The following PEMT variants were observed in gnomAD, a reference collection of about 807,000 sequenced individuals.
The protein encoded by PEMT is phospholipid methyltransferase.
PEMT carries 23 observed loss-of-function variants against 27.4 expected under a neutral mutation model. The ratio of observed to expected loss-of-function variants is 0.84; its 90% CI spans 0.60 to 1.19. The LOEUF (loss-of-function observed/expected upper bound fraction) is 1.19, where lower values mean the gene tolerates loss of function less well. PEMT is among the 50% of genes most tolerant of loss of function. The probability of loss-of-function intolerance (pLI) is 0.00; values close to 1 mark genes in which losing one functional copy is unlikely to be tolerated. For missense variants in PEMT, 307 were observed against 310.1 expected, an observed-to-expected ratio of 0.99 and a Z score of 0.07; for synonymous variants, 137 against 139.1, an observed-to-expected ratio of 0.98 and a Z score of 0.11.
chr17:17,507,278 G>A (rs1905952866), intron 5 of PEMT: 3 of 1,216,838 alleles, frequency 2.5e-6, no homozygotes, highest in South Asian at 2.6e-5. Context: ...GGCACAGAGG[G>A]CGCATGGGCA....
At chr17:17,569,713 A>G (rs1444284752) in intron 2 of PEMT, among the ~76,000 whole-genome samples, 1 of 152,200 alleles carries the variant, frequency 6.6e-6, no homozygotes. Flanking sequence ...TGTCTCCAGC[A>G]GCTTTGATGT....
chr17:17,557,743 G>A (rs1007870968), intron 2 of PEMT, among the ~76,000 whole-genome samples: 3 of 152,216 alleles, frequency 2.0e-5, no homozygotes, highest in Non-Finnish European at 2.9e-5. Context: ...TGGTGACAAT[G>A]ACAGGCCACT....
chr17:17,512,567 C>T lies in PEMT; in HGVS notation c.408G>A (p.Leu136=). The T allele has an allele frequency of 6.2e-7, 1 of 1,609,134 alleles. No individual in the cohort carries two copies. Among genetic ancestry groups the T allele is most frequent in the Non-Finnish European group, 8.5e-7 (1 of 1,177,714 alleles). The change falls in exon 4 of 7, where the codon CTG becomes CTA. Residue 136 remains leucine (L), a synonymous_variant. Transcript: ENST00000255389. The surrounding 1 kb of genome is among the most constrained non-coding windows in gnomAD (Gnocchi z 6.3). ...AGCTGGAGAGCACGAGCACGACGCC[C>T]AGTCCCAGGAGCGCGAGGCCCAGGC... The part of the protein sequence containing the change: ...AYSLGLALLG[L]GVVLVLSSFF...
At chr17:17,530,519 A>G (rs1296666252) in intron 2 of PEMT, among the ~76,000 whole-genome samples, 1 of 152,070 alleles carries the variant, frequency 6.6e-6, no homozygotes, top group African/African-American at 2.4e-5. Context: ...GAACAAAGGA[A>G]CTACTAGAAA....
At chr17:17,507,473 G>A in intron 5 of PEMT, 1 of 499,288 alleles carries the variant, frequency 2.0e-6, no homozygotes. Flanking sequence ...ACACTGGTCT[G>A]CCTGTCTGGG....
chr17:17,559,631 G>A (rs939492145), intron 2 of PEMT, among the ~76,000 whole-genome samples: 25 of 152,258 alleles, frequency 1.6e-4, no homozygotes, highest in Admixed American at 1.4e-3. Flanking sequence ...CCAAGTAGGG[G>A]TGGAGGAATT....
intron 2 of PEMT, among the ~76,000 whole-genome samples, chr17:17,574,982 T>C (rs1911480738): frequency 6.6e-6 from 1 of 151,962 alleles, no homozygotes; most frequent in Admixed American, 6.6e-5. Context: ...CCAGCAGGGG[T>C]CTTTGGCTTT....
intron 2 of PEMT, among the ~76,000 whole-genome samples, chr17:17,525,223 C>T (rs563297113): frequency 1.1e-4 from 16 of 152,262 alleles, no homozygotes; most frequent in Admixed American, 5.9e-4. Flanking sequence ...CCCTTAGCCT[C>T]GGAAAGAGCT....
intron 2 of PEMT, among the ~76,000 whole-genome samples, chr17:17,548,048 G>A (rs1435478767): frequency 1.3e-5 from 2 of 152,196 alleles, no homozygotes; most frequent in African/African-American, 2.4e-5. Context: ...GCACAGCAGC[G>A]GGATGTTCTA....
intron 2 of PEMT, among the ~76,000 whole-genome samples, chr17:17,546,667 G>A (rs1318024013): frequency 6.6e-6 from 1 of 152,226 alleles, no homozygotes; most frequent in African/African-American, 2.4e-5. Flanking sequence ...TCCGACCCTG[G>A]GGAGCCTCCC....
intron 4 of PEMT, among the ~76,000 whole-genome samples, chr17:17,509,843 C>T (rs763854998): frequency 3.9e-5 from 6 of 152,200 alleles, no homozygotes; most frequent in Non-Finnish European, 8.8e-5. Flanking sequence ...TGGCTCTGCA[C>T]ACGCTGTTCC....
intron 1 of PEMT, among the ~76,000 whole-genome samples, chr17:17,579,603 G>T (rs781664196): frequency 2.0e-5 from 3 of 152,162 alleles, no homozygotes; most frequent in Non-Finnish European, 4.4e-5. Context: ...ACTTGAACCC[G>T]GGAGGTGGGA....
At chr17:17,511,554 G>A (rs987123700) in intron 4 of PEMT, among the ~76,000 whole-genome samples, 2 of 152,240 alleles carry the variant, frequency 1.3e-5, no homozygotes, top group African/African-American at 4.8e-5. Context: ...AGGCAGGCCC[G>A]GGAGCTCCTC....
intron 2 of PEMT, among the ~76,000 whole-genome samples, chr17:17,553,019 C>T (rs1400553333): frequency 1.3e-5 from 2 of 152,188 alleles, no homozygotes; most frequent in Non-Finnish European, 2.9e-5. Context: ...AAACCCCAAT[C>T]GCAACCTTTT....
intron 3 of PEMT, among the ~76,000 whole-genome samples, chr17:17,521,011 G>A (rs1477679885): frequency 6.6e-6 from 1 of 152,372 alleles, no homozygotes; most frequent in East Asian, 1.9e-4. Context: ...TGCTGGCATG[G>A]AGCATTCGCA....
intron 3 of PEMT, among the ~76,000 whole-genome samples, chr17:17,521,863 G>A (rs576135761): frequency 2.0e-5 from 3 of 152,220 alleles, no homozygotes; most frequent in South Asian, 4.2e-4. Flanking sequence ...CACCACGCCC[G>A]GCCTCAAAGA....
intron 2 of PEMT, among the ~76,000 whole-genome samples, chr17:17,572,111 C>A (rs925268906): frequency 2.6e-5 from 4 of 152,204 alleles, no homozygotes; most frequent in African/African-American, 7.2e-5. Context: ...AACGGCCTTG[C>A]CTCCCACGGG....
Position 17,523,069 on chromosome 17 carries a change from C to T in PEMT, c.205-674G>A, listed in dbSNP as rs1907404560. ...CAACGGTGGAGAGAAGGGAGCTCTTCCTGCCTGCCTGCTGTTTCCACAGTC... is the reference window on the plus strand; with the variant it reads ...CAACGGTGGAGAGAAGGGAGCTCTTTCTGCCTGCCTGCTGTTTCCACAGTC... On this transcript the variant is annotated intron_variant, in intron 2 of 6. Coordinates refer to ENST00000255389, the MANE Select transcript of PEMT (RefSeq NM_148172.3). This position sits in a 1 kb window ranked among gnomAD's most constrained non-coding sequence, Gnocchi z 4.8. Among the ~76,000 whole-genome samples, 1 of 152,206 alleles carries T rather than the reference C, an allele frequency of 6.6e-6. No individual in the cohort carries two copies. Among genetic ancestry groups the T allele is most frequent in the Non-Finnish European group, 1.5e-5 (1 of 68,030 alleles).
At chr17:17,528,334 C>A (rs1907843835) in intron 2 of PEMT, among the ~76,000 whole-genome samples, 2 of 152,216 alleles carry the variant, frequency 1.3e-5, no homozygotes. Flanking sequence ...TCCTGCCTTG[C>A]GGCTCCGGCA....
Sources: gnomAD v4.1 joint callset for allele counts (sites outside exome capture counted in the v4.1 genomes callset) on GRCh38, gnomAD v4.1.1 for gene constraint, Gnocchi (gnomAD v3.1) non-coding constraint, MANE v1.5 for transcripts, NCBI Gene and HGNC (gene_info 2026-07-23, HGNC 2026-07-21) for gene names.